Variants in PRKCH observed in about 807,000 individuals in gnomAD.
PRKCH encodes protein kinase C eta type.
A neutral mutation model predicts 82.5 loss-of-function variants in PRKCH; 28 were observed. The observed-to-expected ratio is 0.34, with a 90% CI of 0.25 to 0.47. PRKCH has a LOEUF of 0.47. Ranked by LOEUF, PRKCH falls within the 20% of genes least tolerant of loss-of-function variation. The pLI is 1.00. For synonymous variants in PRKCH, 322 were observed against 327.4 expected (o/e 0.98, Z 0.18); for missense variants, 705 against 881.8 (o/e 0.80, Z 2.54).
chr14:61,311,521 T>C (rs1472362077), intron 1 of PRKCH, among the ~76,000 whole-genome samples: 1 of 152,228 alleles, frequency 6.6e-6, no homozygotes, highest in African/African-American at 2.4e-5. Context: ...CTTCCTGTTT[T>C]CTTCTGAGCC....
At chr14:61,415,888 C>G (rs528322437) in intron 2 of PRKCH, among the ~76,000 whole-genome samples, 5 of 152,226 alleles carry the variant, frequency 3.3e-5, no homozygotes, top group African/African-American at 1.2e-4. Context: ...CTTTCTGTCT[C>G]TATAGATTTG....
chr14:61,318,211 T>G (rs1476805926), upstream of PRKCH, among the ~76,000 whole-genome samples: 1 of 152,056 alleles, frequency 6.6e-6, no homozygotes, highest in Non-Finnish European at 1.5e-5. Context: ...TAGCTGAGAC[T>G]ACAGGAACCT....
rs536485480 is a variant in PRKCH at position 61,269,809 on chromosome 14, A to C, written c.-19+82141A>C. Among the ~76,000 whole-genome samples, 423 of 152,324 alleles carry C rather than the reference A, an allele frequency of 2.8e-3. 3 individuals carry two copies. Among genetic ancestry groups the C allele is most frequent in the African/African-American group, 9.9e-3 (411 of 41,584 alleles). ...GGGATTCTCATTACAGATTGGACCG[A>C]CAATCAACCTGAGAAATTGTACGCT... is the stretch of plus-strand genomic sequence containing the variant. On this transcript the variant is annotated intron_variant, in intron 1 of 3. Transcript: ENST00000555185.
intron 9 of PRKCH, among the ~76,000 whole-genome samples, chr14:61,466,950 A>G (rs1201166857): frequency 2.6e-5 from 4 of 152,196 alleles, no homozygotes; most frequent in Non-Finnish European, 4.4e-5. Context: ...GAATCTTGTG[A>G]AATAAATGCC....
chr14:61,359,701 G>A (rs1481343844), intron 1 of PRKCH, among the ~76,000 whole-genome samples: 1 of 152,214 alleles, frequency 6.6e-6, no homozygotes, highest in Admixed American at 6.5e-5. Context: ...GCTGAACACT[G>A]AAAAGCTCGG....
At chr14:61,483,218 G>A (rs917392251) in intron 9 of PRKCH, among the ~76,000 whole-genome samples, 16 of 152,198 alleles carry the variant, frequency 1.1e-4, no homozygotes, top group Non-Finnish European at 2.2e-4. Flanking sequence ...GGATGTTTCC[G>A]GTGTGTGTAT....
chr14:61,211,384 A>G (rs1265706703), intron 1 of PRKCH, among the ~76,000 whole-genome samples: 1 of 152,222 alleles, frequency 6.6e-6, no homozygotes, highest in African/African-American at 2.4e-5. Flanking sequence ...CCCAGAAACA[A>G]GAAGAGAAAG....
chr14:61,535,934 A>T (rs1478823166), intron 12 of PRKCH, among the ~76,000 whole-genome samples: 1 of 152,264 alleles, frequency 6.6e-6, no homozygotes. Context: ...CCACATGGAA[A>T]AGTTGTTAAA....
intron 1 of PRKCH, among the ~76,000 whole-genome samples, chr14:61,294,888 G>C (rs2045393627): frequency 6.6e-6 from 1 of 151,730 alleles, no homozygotes; most frequent in African/African-American, 2.4e-5. Context: ...TTTTGTTGCT[G>C]TCAAGACACA....
rs1036947231 is a variant in PRKCH, at chr14:61,406,799, C to T, written c.427+15511C>T. Reference sequence around the variant, plus strand: ...TCACGCTGACTTTCTCAGCATTGTGCCGAGCAGAGTTATTTTTGCAAAAAG... The same window carrying T: ...TCACGCTGACTTTCTCAGCATTGTGTCGAGCAGAGTTATTTTTGCAAAAAG... On this transcript the variant is annotated intron_variant, in intron 2 of 13. Coordinates refer to ENST00000332981, the MANE Select transcript of PRKCH (RefSeq NM_006255.5). Among the ~76,000 whole-genome samples the T allele has an allele frequency of 2.0e-5, 3 of 152,172 alleles. No individual in the cohort carries two copies. The East Asian group carries it at 5.8e-4, about 29-fold the overall frequency.
At chr14:61,262,890 G>A (rs1193927463) in intron 1 of PRKCH, among the ~76,000 whole-genome samples, 1 of 152,046 alleles carries the variant, frequency 6.6e-6, no homozygotes, top group African/African-American at 2.4e-5. Flanking sequence ...AGATTTTCTC[G>A]AGTGCTTACT....
intron 9 of PRKCH, 143 bp from the exon 10 acceptor site, chr14:61,485,359 C>T (rs1886170859): frequency 9.0e-7 from 1 of 1,116,062 alleles, no homozygotes; most frequent in Non-Finnish European, 1.3e-6. Flanking sequence ...TGCACTGCAC[C>T]CTGACCCATG....
At chr14:61,378,313 G>C (rs2046452292) in intron 1 of PRKCH, among the ~76,000 whole-genome samples, 1 of 151,160 alleles carries the variant, frequency 6.6e-6, no homozygotes, top group East Asian at 1.9e-4. Context: ...CCAGGGCTCA[G>C]GTGATCCTCC....
chr14:61,527,296 T>C (rs2140002288), intron 10 of PRKCH, among the ~76,000 whole-genome samples: 1 of 152,216 alleles, frequency 6.6e-6, no homozygotes, highest in African/African-American at 2.4e-5. Context: ...CTTGTGCACC[T>C]GGGGTACCCA....
intron 1 of PRKCH, among the ~76,000 whole-genome samples, chr14:61,205,784 T>A (rs966953504): frequency 6.6e-6 from 1 of 152,158 alleles, no homozygotes; most frequent in Non-Finnish European, 1.5e-5. Context: ...ATATGCAACA[T>A]TCCTTGGTCG....
At position 61,280,475 on chromosome 14, in the gene PRKCH, G is replaced by C. The variant is rs772294789; in HGVS notation, c.-19+92807G>C. 1.2e-6 allele frequency: 2 copies of C among 1,613,352 alleles called. No homozygotes were observed. Among genetic ancestry groups the C allele is most frequent in the Non-Finnish European group, 1.7e-6 (2 of 1,179,704 alleles). ...ACTGGCCGGCGCCAGTTGGGCGGGG[G>C]CGCCGTGCCCTGGAAGGCCAACGCC... On this transcript the variant is annotated intron_variant, in intron 1 of 3. Coordinates refer to the PRKCH transcript ENST00000555185. This position sits in a 1 kb window ranked among gnomAD's most constrained non-coding sequence, Gnocchi z 5.0.
At chr14:61,282,811 C>T (rs1594890416) in intron 1 of PRKCH, among the ~76,000 whole-genome samples, 1 of 152,236 alleles carries the variant, frequency 6.6e-6, no homozygotes, top group East Asian at 1.9e-4. Flanking sequence ...ATTCAAGTGA[C>T]TTGAATTTCA....
At chr14:61,384,469 A>G (rs1489647421) in intron 1 of PRKCH, among the ~76,000 whole-genome samples, 2 of 152,114 alleles carry the variant, frequency 1.3e-5, no homozygotes, top group Admixed American at 6.5e-5. Context: ...CCTTTCTGTG[A>G]TTCTTTGGCA....
At chr14:61,388,147 CAAAA>C (rs569642184) in intron 1 of PRKCH, among the ~76,000 whole-genome samples, 1 of 87,914 alleles carries the variant, frequency 1.1e-5, no homozygotes, top group Non-Finnish European at 2.4e-5. Context: ...GACTCTGTCT[CAAAA>C]AAAAAAAAAA....
Sources: allele counts gnomAD v4.1 joint callset (sites outside exome capture counted in the v4.1 genomes callset), GRCh38; gene constraint gnomAD v4.1.1; non-coding constraint Gnocchi (gnomAD v3.1); transcripts MANE v1.5; gene names NCBI Gene and HGNC (gene_info 2026-07-23, HGNC 2026-07-21).